Variants in PLXND1 observed in about 807,000 individuals in gnomAD.
PLXND1 encodes plexin-D1.
In PLXND1, 54 loss-of-function variants were observed where a neutral mutation model predicts 197.7. That is an observed-to-expected ratio of 0.27 (90% CI 0.22 to 0.34). PLXND1 has a LOEUF of 0.34. Among genes scored for constraint, PLXND1 ranks in the 10% least tolerant of loss-of-function variants. PLXND1 has a pLI of 1.00. For synonymous variants in PLXND1, 1,180 were observed against 1,161.2 expected (o/e 1.02, Z -0.33); for missense variants, 2,127 against 2,699.2 (o/e 0.79, Z 4.70).
At position 129,606,133 on chromosome 3, in the gene PLXND1, G is replaced by A. The variant is rs2085789859; in HGVS notation, c.507C>T (p.Pro169=). Residue 169 remains proline (P), a synonymous_variant, in exon 1 of 36, where the codon CCC becomes CCT. Transcript: ENST00000324093. Reference sequence around the variant, plus strand: ...TGGGGAACACCGTGACGGGCTCGGCGGGCGGCGCGGCGGGCGGGAAGCGCA... The same window carrying A: ...TGGGGAACACCGTGACGGGCTCGGCAGGCGGCGCGGCGGGCGGGAAGCGCA... ...VAVRFPPAAP[P]AEPVTVFPSM... 6.6e-7 allele frequency: 1 copy of A among 1,510,490 alleles called. No individual in the cohort carries two copies. Among genetic ancestry groups the A allele is most frequent in the Non-Finnish European group, 8.8e-7 (1 of 1,136,928 alleles). 93.6% of individuals were successfully genotyped at this position (1,510,490 alleles called of 1,614,324 possible). A position where few individuals can be genotyped will look rare whatever the true frequency, so the allele number is the denominator to read the frequency against.
At position 129,556,258 on chromosome 3, in the gene PLXND1, G is replaced by GC; in HGVS notation, c.*53dup. ...GCACGGGGTAGAAGATCAAGTTGAG[G>GC]CCCAGTGGGCGTCCATTTCTCCCAG... On this transcript the variant is annotated 3_prime_UTR_variant, in exon 36 of 36. Coordinates refer to ENST00000324093, the MANE Select transcript of PLXND1 (RefSeq NM_015103.3). The GC allele has an allele frequency of 1.7e-6, 2 of 1,161,636 alleles. No individual in the cohort carries two copies. Among genetic ancestry groups the GC allele is most frequent in the Middle Eastern group, 3.9e-4 (2 of 5,168 alleles). The allele number at this position is 1,161,636 out of a possible 1,614,324, so 72.0% of individuals were successfully genotyped here. A position where few individuals can be genotyped will look rare whatever the true frequency, so the allele number is the denominator to read the frequency against.
At chr3:129,561,183 G>A in intron 29 of PLXND1, 1 of 463,052 alleles carries the variant, frequency 2.2e-6, no homozygotes, top group Non-Finnish European at 4.3e-6. Flanking sequence ...TGCCAGCCCA[G>A]ATTCCCAGGC....
chr3:129,605,762 G>A lies in PLXND1; in HGVS notation c.878C>T (p.Ala293Val). Residue 293 changes from alanine to valine, a missense_variant, in exon 1 of 36, where the codon GCA becomes GTA. Ala to Val is a moderately conservative substitution (Grantham distance 64). Coordinates refer to ENST00000324093, the MANE Select transcript of PLXND1 (RefSeq NM_015103.3). ...GAGCGCCAGGTACGCGTAGGACTGT[G>A]CACCCGGCGGCGGGTCGGACGGGTG... ...FLHPSDPPPG[A>V]QSYAYLALNS... 1 of 1,564,182 alleles carries A rather than the reference G, an allele frequency of 6.4e-7. No homozygotes were observed. The highest frequency in any genetic ancestry group is 8.7e-7 in the Non-Finnish European group (1 of 1,155,806).
Position 129,566,529 on chromosome 3 carries a change from T to C in PLXND1, c.4189A>G (p.Lys1397Glu), listed in dbSNP as rs760192767. ...QETHPLLGEWKIPESCRPNME... is the reference protein window; with the variant it reads ...QETHPLLGEWEIPESCRPNME... The stretch of plus-strand genomic sequence containing the variant: ...TGTGTGGGTCGTGGGGTACTCACCT[T>C]CCACTCTCCCAGCAGTGGGTGGGTT... Residue 1397 changes from lysine (K) to glutamate (E), a missense_variant and splice_region_variant, in exon 23 of 36, where the codon AAG (lysine) becomes GAG (glutamate). Physicochemically the swap from Lys to Glu is moderately conservative, Grantham distance 56. Transcript: ENST00000324093. 1 of 1,598,294 alleles carries C rather than the reference T, an allele frequency of 6.3e-7. No homozygotes were observed. Among genetic ancestry groups the C allele is most frequent in the Admixed American group, 1.7e-5 (1 of 60,006 alleles).
rs199605339 is a variant in PLXND1 at position 129,572,806 on chromosome 3, G to A, written c.2937+36C>T. On this transcript the variant is annotated intron_variant, in intron 14 of 35. Transcript: ENST00000324093. ...GCCAGCCCCCGGGAGTGTGCGTGCTGGGCGGGCCGGACAGTGGGCTGCAGC... is the reference window on the plus strand; with the variant it reads ...GCCAGCCCCCGGGAGTGTGCGTGCTAGGCGGGCCGGACAGTGGGCTGCAGC... 2.7e-3 allele frequency: 4,352 copies of A among 1,612,670 alleles called. 10 individuals are homozygous for A. Among genetic ancestry groups the A allele is most frequent in the Non-Finnish European group, 2.7e-3 (3,157 of 1,179,232 alleles).
intron 2 of PLXND1, 31 bp downstream of exon 2, chr3:129,589,320 A>ACCCCACCCCCCCCCCACCCCCC: frequency 2.9e-6 from 1 of 343,182 alleles, no homozygotes; most frequent in Non-Finnish European, 5.5e-6. Flanking sequence ...TCCCACCCCC[A>ACCCCACCCCCCCCCCACCCCCC]CCCCCTCCCC....
chr3:129,559,852 G>T, intron 31 of PLXND1, 69 bp from the exon 32 acceptor site: 1 of 1,327,694 alleles, frequency 7.5e-7, no homozygotes, highest in Non-Finnish European at 1.0e-6. Context: ...CACCCTTGGT[G>T]GCTCTGCGGA....
At chr3:129,559,818 G>T in intron 31 of PLXND1, 35 bp from the exon 32 acceptor site, 1 of 1,551,882 alleles carries the variant, frequency 6.4e-7, no homozygotes. Flanking sequence ...GTCAGCCCCG[G>T]GCCACGTGCA....
In PLXND1 at chr3:129,601,191, AG is replaced by A. The variant is rs1227910242; in HGVS notation, c.1311+4137del. Reference sequence around the variant, plus strand: ...GCAATGGAGGCTAATTTCTTCACTCAGTTTCTCTCAAAATATCTTAACTGCC... The same window carrying A: ...GCAATGGAGGCTAATTTCTTCACTCATTTCTCTCAAAATATCTTAACTGCC... On this transcript the variant is annotated intron_variant, in intron 1 of 35. Transcript: ENST00000324093. 3.3e-5 allele frequency among the ~76,000 whole-genome samples: 5 copies of A among 152,184 alleles called. 1 individual carries two copies.
chr3:129,575,609 G>A, intron 10 of PLXND1, 47 bp from the exon 11 acceptor site: 2 of 1,401,380 alleles, frequency 1.4e-6, no homozygotes, highest in East Asian at 2.5e-5. Flanking sequence ...CAATGCCTGG[G>A]GCTCTGCTGG....
intron 1 of PLXND1, among the ~76,000 whole-genome samples, chr3:129,594,862 T>C (rs1267752855): frequency 7.1e-6 from 1 of 140,792 alleles, no homozygotes; most frequent in Non-Finnish European, 1.5e-5. Flanking sequence ...GTAAAAAGTT[T>C]ATTTTGTAAA....
At position 129,569,847 on chromosome 3, in the gene PLXND1, C is replaced by G. The variant is rs1307775800; in HGVS notation, c.3861G>C (p.Val1287=). Residue 1287 remains valine, a synonymous_variant, in exon 20 of 36, where the codon GTG becomes GTC. Coordinates refer to ENST00000324093, the MANE Select transcript of PLXND1 (RefSeq NM_015103.3). ...CCTGAGGGTGGGGCTCCTTACCCAC[C>G]ACGGAGAGCAGCAGCAGGACGCTGC... The part of the protein sequence containing the change: ...VICSVLLLLS[V]VALFVFCTKS... 2 of 1,587,214 alleles carry G rather than the reference C, an allele frequency of 1.3e-6. No individual in the cohort carries two copies. Among genetic ancestry groups the G allele is most frequent in the Admixed American group, 1.7e-5 (1 of 59,986 alleles).
Position 129,566,519 on chromosome 3 carries a change from G to C in PLXND1, c.4191+8C>G, listed in dbSNP as rs771906419. On this transcript the variant is annotated splice_region_variant and intron_variant, in intron 23 of 35. Transcript: ENST00000324093. ...CAGCCCACTGTGTGTGGGTCGTGGG[G>C]TACTCACCTTCCACTCTCCCAGCAG... 1 of 1,560,778 alleles carries C rather than the reference G, an allele frequency of 6.4e-7. No homozygotes were observed.
intron 21 of PLXND1, 22 bp from the exon 22 acceptor site, chr3:129,567,626 G>T: frequency 6.3e-7 from 1 of 1,592,584 alleles, no homozygotes; most frequent in Non-Finnish European, 8.6e-7. Context: ...ACGGACAGCC[G>T]TGAGCGGCCC....
In PLXND1 at chr3:129,555,444, A is replaced by G. The variant is rs1241663970; in HGVS notation, c.*868T>C. ...CCCGCTCTCTGGAACAGTCATTTCC[A>G]GTGTTGCATGGGGAGCCTCTCGGGA... On this transcript the variant is annotated 3_prime_UTR_variant, in exon 36 of 36. Coordinates refer to ENST00000324093, the MANE Select transcript of PLXND1 (RefSeq NM_015103.3). 7 of 669,670 alleles carry G rather than the reference A, an allele frequency of 1.0e-5. No individual in the cohort carries two copies. Among genetic ancestry groups the G allele is most frequent in the Non-Finnish European group, 8.0e-6 (3 of 376,460 alleles). The allele number at this position is 669,670 out of a possible 1,614,324, so 41.5% of individuals were successfully genotyped here.
intron 31 of PLXND1, 145 bp downstream of exon 31, chr3:129,560,185 C>T: frequency 1.6e-6 from 1 of 623,670 alleles, no homozygotes; most frequent in South Asian, 2.0e-5. Flanking sequence ...AGCCTCTTGC[C>T]CCTCCAGCCC....
At position 129,569,928 on chromosome 3, in the gene PLXND1, G is replaced by A. The variant is rs975388195; in HGVS notation, c.3780C>T (p.Ile1260=). Residue 1260 remains isoleucine (I), a synonymous_variant, in exon 20 of 36, where the codon ATC becomes ATT. Transcript: ENST00000324093. ...CGCTGCCCCCCAGCTGCAGTGTGGC[G>A]ATGGTCTGGTTGAAGTTCCCTACCT... ...TIQVGNFNQT[I]ATLQLGGSET... 14 of 1,612,458 alleles carry A rather than the reference G, an allele frequency of 8.7e-6. No homozygotes were observed. Among genetic ancestry groups the A allele is most frequent in the East Asian group, 2.2e-5 (1 of 44,872 alleles).
intron 1 of PLXND1, among the ~76,000 whole-genome samples, chr3:129,595,407 C>A (rs2085605611): frequency 6.6e-6 from 1 of 152,212 alleles, no homozygotes; most frequent in Non-Finnish European, 1.5e-5. Context: ...CCACCTGCTG[C>A]TGAGAAAGTA....
Position 129,571,201 on chromosome 3 carries a change from C to A in PLXND1, c.3439G>T (p.Ala1147Ser), listed in dbSNP as rs369266139. The change falls in exon 18 of 36, where the codon GCA becomes TCA. Residue 1147 changes from alanine (A) to serine (S), a missense_variant. Transcript: ENST00000324093. ...TCCTCAGCCACAGCCACCTCGTCTG[C>A]GTAGGCCCGCCCATTGATGAAGAAG... is the stretch of plus-strand genomic sequence containing the variant. ...VDFFINGRAY[A>S]DEVAVAEELL... The A allele has an allele frequency of 6.2e-7, 1 of 1,614,068 alleles. No homozygotes were observed. Among genetic ancestry groups the A allele is most frequent in the African/African-American group, 1.3e-5 (1 of 74,950 alleles).
Sources: allele counts gnomAD v4.1 joint callset (sites outside exome capture counted in the v4.1 genomes callset), GRCh38; gene constraint gnomAD v4.1.1; transcripts MANE v1.5; gene names NCBI Gene and HGNC (gene_info 2026-07-23, HGNC 2026-07-21).